The following CLDN10 variants were observed in gnomAD, a reference collection of about 807,000 sequenced individuals.
The protein encoded by CLDN10 is claudin 10.
CLDN10 carries 15 observed loss-of-function variants against 22.9 expected under a neutral mutation model. The observed-to-expected ratio is 0.65, with a 90% CI of 0.44 to 1.01. The LOEUF (loss-of-function observed/expected upper bound fraction) is 1.01, where lower values mean the gene tolerates loss of function less well. Among genes scored for constraint, CLDN10 ranks in the 50% least tolerant of loss-of-function variants. CLDN10 has a pLI of 0.00. For missense variants in CLDN10, 247 were observed against 287.8 expected (o/e 0.86, Z 1.03); for synonymous variants, 114 against 111.4 (o/e 1.02, Z -0.15).
intron 1 of CLDN10, among the ~76,000 whole-genome samples, chr13:95,477,029 T>A (rs1192528974): frequency 6.6e-6 from 1 of 152,138 alleles, no homozygotes. Flanking sequence ...GCCACGCCTC[T>A]CCTCCTAGCA....
Position 95,519,819 on chromosome 13 carries a change from C to T in CLDN10, c.215-40313C>T, listed in dbSNP as rs1285943096. Among the ~76,000 whole-genome samples, 3 of 152,166 alleles carry T rather than the reference C, an allele frequency of 2.0e-5. No individual in the cohort carries two copies. In the East Asian group the frequency reaches 5.8e-4, roughly 29 times the overall value. The stretch of plus-strand genomic sequence containing the variant: ...ATGTGCTCTAACATACTGGGAGCAT[C>T]TCTGGGTCTAGGTAAAGAGGAAAGG... On this transcript the variant is annotated intron_variant, in intron 1 of 4. Coordinates refer to the CLDN10 transcript ENST00000376873.
chr13:95,487,019 A>G (rs190581595), intron 1 of CLDN10, among the ~76,000 whole-genome samples: 119 of 152,316 alleles, frequency 7.8e-4, no homozygotes, highest in African/African-American at 2.7e-3. Flanking sequence ...TGTGTTTCGC[A>G]CGGATTTGAA....
intron 1 of CLDN10, among the ~76,000 whole-genome samples, chr13:95,448,722 T>TTTTAC (rs2042404655): frequency 1.3e-5 from 2 of 149,702 alleles, no homozygotes; most frequent in South Asian, 4.4e-4. Context: ...AGCCATAGTA[T>TTTTAC]TTTATTTTAT....
chr13:95,435,083 G>A (rs533563316), intron 1 of CLDN10, among the ~76,000 whole-genome samples: 3 of 152,084 alleles, frequency 2.0e-5, no homozygotes, highest in Middle Eastern at 3.4e-3. Context: ...ACAAGTGTAC[G>A]TATCTCAAAG....
At chr13:95,552,673 A>G (rs2043579810), upstream of CLDN10, 1 of 1,432,810 alleles carries the variant, frequency 7.0e-7, no homozygotes, top group Non-Finnish European at 9.2e-7. Context: ...CGGAGGCGGG[A>G]GGCGGAGCCC....
At chr13:95,493,577 G>C (rs1157445376) in intron 1 of CLDN10, among the ~76,000 whole-genome samples, 2 of 60,424 alleles carry the variant, frequency 3.3e-5, no homozygotes, top group Non-Finnish European at 6.5e-5. Context: ...TTTTTTTTTT[G>C]AGACACAGTC....
intron 1 of CLDN10, among the ~76,000 whole-genome samples, chr13:95,505,530 C>T (rs1273683249): frequency 6.6e-6 from 1 of 152,062 alleles, no homozygotes; most frequent in Admixed American, 6.6e-5. Context: ...TCCCTTTGTG[C>T]CTTATCTGAA....
chr13:95,501,500 T>A (rs2042984841), intron 1 of CLDN10, among the ~76,000 whole-genome samples: 1 of 152,220 alleles, frequency 6.6e-6, no homozygotes, highest in East Asian at 1.9e-4. Flanking sequence ...TGTTGTAAAC[T>A]GACCTTTTTA....
intron 1 of CLDN10, among the ~76,000 whole-genome samples, chr13:95,518,776 A>G (rs868216210): frequency 6.6e-5 from 10 of 152,248 alleles, no homozygotes; most frequent in Middle Eastern, 6.8e-3. Context: ...AAAATAAATA[A>G]ATATAAAAGA....
intron 1 of CLDN10, among the ~76,000 whole-genome samples, chr13:95,503,014 C>T (rs187926380): frequency 6.6e-6 from 1 of 152,176 alleles, no homozygotes; most frequent in African/African-American, 2.4e-5. Context: ...CCCAAGCATA[C>T]TGTTCTAACT....
intron 1 of CLDN10, among the ~76,000 whole-genome samples, chr13:95,487,633 G>C (rs9590285): frequency 0.59 from 89,263 of 152,046 alleles, 27,234 homozygotes; most frequent in African/African-American, 0.76. Flanking sequence ...CATGGACAAT[G>C]TTGTCACATC....
intron 1 of CLDN10, among the ~76,000 whole-genome samples, chr13:95,450,809 A>C (rs2042425455): frequency 6.6e-6 from 1 of 152,214 alleles, no homozygotes; most frequent in Non-Finnish European, 1.5e-5. Flanking sequence ...GATTGTGATC[A>C]AATAGTAAAA....
upstream of CLDN10, chr13:95,552,718 G>T: frequency 1.9e-6 from 3 of 1,585,358 alleles, no homozygotes; most frequent in Non-Finnish European, 2.6e-6. Flanking sequence ...GGCGCAGAGT[G>T]GGAGCCGGAG....
At chr13:95,484,688 C>CAAAAAA (rs144818972) in intron 1 of CLDN10, among the ~76,000 whole-genome samples, 1 of 124,496 alleles carries the variant, frequency 8.0e-6, no homozygotes, top group African/African-American at 2.8e-5. Context: ...ACTAAAAATA[C>CAAAAAA]AAAAAAAAAA....
At chr13:95,533,467 T>C (rs1488600965) in intron 1 of CLDN10, among the ~76,000 whole-genome samples, 1 of 152,196 alleles carries the variant, frequency 6.6e-6, no homozygotes, top group Non-Finnish European at 1.5e-5. Context: ...CCCTAATACA[T>C]TTCACAGAAT....
At chr13:95,485,657 G>A (rs947922033) in intron 1 of CLDN10, among the ~76,000 whole-genome samples, 1 of 152,126 alleles carries the variant, frequency 6.6e-6, no homozygotes, top group Non-Finnish European at 1.5e-5. Context: ...ATTTCAGCCT[G>A]AGTTTACACA....
At chr13:95,550,089 G>A (rs1326252232), upstream of CLDN10, among the ~76,000 whole-genome samples, 2 of 152,120 alleles carry the variant, frequency 1.3e-5, no homozygotes, top group African/African-American at 4.8e-5. Context: ...CTGCTACCAA[G>A]GCCACCCCCA....
chr13:95,568,410 C>T lies in CLDN10; in HGVS notation c.464+7947C>T, dbSNP rs182778398. On this transcript the variant is annotated intron_variant, in intron 3 of 4. Transcript: ENST00000299339. ...ATCTGCTTGGGAACTAAATATTTGG[C>T]GCTCTCTTTTGTTTTTGCTGACCAG... is the stretch of plus-strand genomic sequence containing the variant. Among the ~76,000 whole-genome samples the T allele has an allele frequency of 5.9e-5, 9 of 152,180 alleles. No individual in the cohort carries two copies. The South Asian group carries it at 1.0e-3, about 18-fold the overall frequency.
chr13:95,524,144 A>C (rs935945264), intron 1 of CLDN10, among the ~76,000 whole-genome samples: 2 of 118,966 alleles, frequency 1.7e-5, no homozygotes, highest in African/African-American at 6.2e-5. Flanking sequence ...ACTGGCTTTT[A>C]ACATTTTTAT....
Sources: gnomAD v4.1 joint callset for allele counts (sites outside exome capture counted in the v4.1 genomes callset) on GRCh38, gnomAD v4.1.1 for gene constraint, MANE v1.5 for transcripts, NCBI Gene and HGNC (gene_info 2026-07-23, HGNC 2026-07-21) for gene names.